The following DNAH5 variants were observed in gnomAD, a reference collection of about 807,000 sequenced individuals.
The protein encoded by DNAH5 is dynein axonemal heavy chain 5.
In DNAH5, 372 loss-of-function variants were observed where a neutral mutation model predicts 518.2. The ratio of observed to expected loss-of-function variants is 0.72; its 90% confidence interval spans 0.66 to 0.78. DNAH5 has a LOEUF of 0.78. DNAH5 is among the 30% of genes least tolerant of loss of function. The probability of loss-of-function intolerance (pLI) is 0.00; values close to 1 mark genes in which losing one functional copy is unlikely to be tolerated. For missense variants in DNAH5, 5,523 were observed against 5,687.0 expected, an observed-to-expected ratio of 0.97 and a Z score of 0.93; for synonymous variants, 2,039 against 2,025.9, an observed-to-expected ratio of 1.01 and a Z score of -0.17.
intron 14 of DNAH5, chr5:13,900,739 T>C: frequency 5.6e-6 from 2 of 360,282 alleles, no homozygotes; most frequent in Admixed American, 4.4e-5. Flanking sequence ...TTATTCTTCC[T>C]AATAAAAGTT....
rs200012281 is a variant in DNAH5, at chr5:13,758,887, C to T, written c.10378G>A (p.Val3460Met). The change falls in exon 61 of 79, where the codon GTG becomes ATG. Residue 3460 changes from valine (V) to methionine (M), a missense_variant. Val to Met is a conservative substitution (Grantham distance 21). This residue lies in a region of DNAH5 where 5,121 missense variants were observed against 5,223.3 expected (regional missense o/e 0.98). Transcript: ENST00000265104. The part of the protein sequence containing the change: ...ELDDKQAELD[V>M]VQAEYEQAMT... The stretch of plus-strand genomic sequence containing the variant: ...GCCTGTTCATACTCAGCCTGCACCA[C>T]GTCAAGTTCCGCCTGCTTGTCATCC... 1.1e-5 allele frequency: 18 copies of T among 1,614,204 alleles called. No homozygotes were observed. The highest frequency in any genetic ancestry group is 5.0e-5 in the Admixed American group (3 of 60,024).
chr5:13,981,402 T>C (rs1277943885), intron 1 of DNAH5, among the ~76,000 whole-genome samples: 1 of 152,244 alleles, frequency 6.6e-6, no homozygotes, highest in African/African-American at 2.4e-5. Flanking sequence ...TTAAAGAGAC[T>C]AAGGAGTGGA....
intron 24 of DNAH5, among the ~76,000 whole-genome samples, chr5:13,869,555 T>G (rs1769777212): frequency 6.6e-6 from 1 of 152,120 alleles, no homozygotes; most frequent in African/African-American, 2.4e-5. Context: ...TATGGAAAGT[T>G]ATTAATGATA....
At chr5:13,769,641 A>G (rs934964563) in intron 56 of DNAH5, 26 bp from the exon 57 acceptor site, 4 of 1,576,204 alleles carry the variant, frequency 2.5e-6, no homozygotes, top group Non-Finnish European at 3.5e-6. Context: ...CAAGCAAGCA[A>G]TGTTAAAATG....
At chr5:13,825,860 A>G (rs997154579) in intron 38 of DNAH5, among the ~76,000 whole-genome samples, 1 of 152,224 alleles carries the variant, frequency 6.6e-6, no homozygotes, top group East Asian at 1.9e-4. Context: ...TTAATTTTAT[A>G]TGCTTTTACC....
At chr5:13,900,469 T>C in intron 14 of DNAH5, 57 bp from the exon 15 acceptor site, 1 of 1,352,722 alleles carries the variant, frequency 7.4e-7, no homozygotes, top group Non-Finnish European at 1.1e-6. Context: ...GCAGAGTATC[T>C]AGCTCAGCTA....
At chr5:13,735,105 G>A (rs373620771) in intron 68 of DNAH5, 26 bp downstream of exon 68, 120 of 1,608,520 alleles carry the variant, frequency 7.5e-5, no homozygotes, top group Non-Finnish European at 9.5e-5. Flanking sequence ...GCACCTGTGC[G>A]CTATAGTCTC....
At chr5:13,831,428 G>C (rs1041386574) in intron 35 of DNAH5, among the ~76,000 whole-genome samples, 3 of 152,198 alleles carry the variant, frequency 2.0e-5, no homozygotes, top group African/African-American at 7.2e-5. Context: ...TTGTTTGCCA[G>C]CACCACCTGG....
chr5:13,890,701 T>C (rs186508246), intron 17 of DNAH5, among the ~76,000 whole-genome samples: 56 of 152,360 alleles, frequency 3.7e-4, no homozygotes, highest in Non-Finnish European at 6.3e-4. Flanking sequence ...AGCTCTATCC[T>C]TCATTAAAAA....
In DNAH5 at chr5:13,770,864, A is replaced by C. The variant is rs769394019; in HGVS notation, c.9490T>G (p.Phe3164Val). The C allele has an allele frequency of 1.2e-6, 2 of 1,613,968 alleles. No homozygotes were observed. The highest frequency in any genetic ancestry group is 2.7e-5 in the African/African-American group (2 of 74,902). The part of the protein sequence containing the change: ...DGVAEKCVDY[F>V]QRFRRSTHVT... ...TGGGTAGAACGTCGGAATCTCTGAA[A>C]ATAATCAACACACTTCTCAGCCACC... The change falls in exon 56 of 79, where the codon TTT becomes GTT. Residue 3164 changes from phenylalanine to valine, a missense_variant. By Grantham distance (50) the Phe-to-Val change is conservative. Around this residue, in one of 3 missense-constraint regions of DNAH5, gnomAD observed 5,121 missense variants for 5,223.3 expected, o/e 0.98. Coordinates refer to ENST00000265104, the MANE Select transcript of DNAH5 (RefSeq NM_001369.3).
intron 55 of DNAH5, among the ~76,000 whole-genome samples, chr5:13,775,337 T>A (rs562063909): frequency 6.6e-6 from 1 of 152,102 alleles, no homozygotes; most frequent in African/African-American, 2.4e-5. Flanking sequence ...GCGCTGAGAA[T>A]AAAACTTCCC....
In DNAH5 at chr5:13,839,896, A is replaced by C. The variant is rs73054048; in HGVS notation, c.5710-368T>G. Among the ~76,000 whole-genome samples the C allele has an allele frequency of 9.0e-3, 1,376 of 152,344 alleles. 20 individuals carry two copies. Among genetic ancestry groups the C allele is most frequent in the African/African-American group, 0.032 (1,315 of 41,582 alleles). On this transcript the variant is annotated intron_variant, in intron 34 of 78. Transcript: ENST00000265104. ...CATGTTTTGACACACAAAGACAGCA[A>C]TAAACAATCTCATTAGGAAAAAGAC...
intron 11 of DNAH5, 80 bp downstream of exon 11, chr5:13,913,663 T>C: frequency 2.6e-6 from 4 of 1,520,096 alleles, no homozygotes; most frequent in Non-Finnish European, 3.6e-6. Flanking sequence ...ATTTGAATCA[T>C]TCTAAACACT....
chr5:13,890,644 T>C lies in DNAH5; in HGVS notation c.2577+332A>G, dbSNP rs565138774. Among the ~76,000 whole-genome samples, 6 of 152,278 alleles carry C rather than the reference T, an allele frequency of 3.9e-5. No homozygotes were observed. In the South Asian group the frequency reaches 1.2e-3, roughly 32 times the overall value. On this transcript the variant is annotated intron_variant, in intron 17 of 78. Coordinates refer to ENST00000265104, the MANE Select transcript of DNAH5 (RefSeq NM_001369.3). ...TTTGTCTAGAAGCTGTTCAAAACAA[T>C]TGTTTCGTTAATTAACCCTAGCTTA...
At chr5:13,869,025 A>T (rs1010702951) in intron 24 of DNAH5, among the ~76,000 whole-genome samples, 1 of 152,184 alleles carries the variant, frequency 6.6e-6, no homozygotes, top group African/African-American at 2.4e-5. Context: ...TAGGATTGTC[A>T]GTTACTGTAC....
intron 22 of DNAH5, among the ~76,000 whole-genome samples, chr5:13,872,422 T>A (rs184763741): frequency 1.9e-3 from 283 of 152,316 alleles, no homozygotes; most frequent in Non-Finnish European, 3.2e-3. Context: ...CCATATCTTG[T>A]CATCTTTTTC....
At chr5:13,775,950 A>T (rs895814410) in intron 55 of DNAH5, among the ~76,000 whole-genome samples, 3 of 149,046 alleles carry the variant, frequency 2.0e-5, no homozygotes, top group Non-Finnish European at 4.4e-5. Context: ...ATATCAACAG[A>T]CAATTTCTCA....
At chr5:13,776,759 C>A in intron 54 of DNAH5, 53 bp from the exon 55 acceptor site, 1 of 1,584,432 alleles carries the variant, frequency 6.3e-7, no homozygotes, top group South Asian at 1.1e-5. Context: ...GAAAATAGAT[C>A]AAAATGTAGA....
chr5:13,792,591 G>A (rs895733358), intron 49 of DNAH5, among the ~76,000 whole-genome samples: 18 of 152,042 alleles, frequency 1.2e-4, no homozygotes, highest in African/African-American at 2.7e-4. Flanking sequence ...GCCTTTCCAC[G>A]CATTATAAAA....
Sources: allele counts gnomAD v4.1 joint callset (sites outside exome capture counted in the v4.1 genomes callset), GRCh38; gene constraint gnomAD v4.1.1; regional missense constraint gnomAD v4.1.1; transcripts MANE v1.5; gene names NCBI Gene and HGNC (gene_info 2026-07-23, HGNC 2026-07-21).